Variants in APBA2 observed in about 807,000 individuals in gnomAD.
The protein encoded by APBA2 is amyloid-beta A4 precursor protein-binding family A member 2.
APBA2 carries 30 observed loss-of-function variants against 75.0 expected under a neutral mutation model. The ratio of observed to expected loss-of-function variants is 0.40; its 90% CI spans 0.30 to 0.54. The LOEUF (loss-of-function observed/expected upper bound fraction) is 0.54, where lower values mean the gene tolerates loss of function less well. Ranked by LOEUF, APBA2 falls within the 20% of genes least tolerant of loss-of-function variation. The probability of loss-of-function intolerance (pLI) is 0.49; values close to 1 mark genes in which losing one functional copy is unlikely to be tolerated. For missense variants in APBA2, 801 were observed against 1,016.1 expected (o/e 0.79, Z 2.88); for synonymous variants, 444 against 409.6 (o/e 1.08, Z -1.01).
At chr15:28,950,054 G>A (rs1416214279) in intron 2 of APBA2, among the ~76,000 whole-genome samples, 1 of 152,062 alleles carries the variant, frequency 6.6e-6, no homozygotes, top group Admixed American at 6.5e-5. Flanking sequence ...CGTCTCCTTA[G>A]CCTCCTCTGG....
At chr15:28,919,393 G>T (rs1398787344) in intron 1 of APBA2, 1 of 152,368 alleles carries the variant, frequency 6.6e-6, no homozygotes, top group East Asian at 1.9e-4. Flanking sequence ...CTGGTTCCTG[G>T]GTGCCGCATC....
chr15:29,108,014 C>T (rs1011563484), intron 12 of APBA2, among the ~76,000 whole-genome samples: 1 of 152,164 alleles, frequency 6.6e-6, no homozygotes, highest in Non-Finnish European at 1.5e-5. Context: ...TAATCTTCCC[C>T]AGGGCAGAGG....
chr15:29,023,251 C>T lies in APBA2; in HGVS notation c.-41+27445C>T, dbSNP rs2040040463. Among the ~76,000 whole-genome samples, 3 of 152,160 alleles carry T rather than the reference C, an allele frequency of 2.0e-5. 1 individual carries two copies. The highest frequency in any genetic ancestry group is 4.1e-4 in the South Asian group (2 of 4,820). On this transcript the variant is annotated intron_variant, in intron 3 of 14. Coordinates refer to ENST00000683413, the MANE Select transcript of APBA2 (RefSeq NM_001353788.2). ...GACTGAAAGGTGACAGTGATAGCAG[C>T]CTTCCTAATCTTGTCCCTAAATTTA... is the stretch of plus-strand genomic sequence containing the variant.
intron 5 of APBA2, 28 bp downstream of exon 5, chr15:29,075,029 G>C: frequency 6.6e-7 from 1 of 1,524,188 alleles, no homozygotes; most frequent in South Asian, 1.1e-5. Flanking sequence ...TGAGAGTTCT[G>C]GGCTGGAACA....
intron 5 of APBA2, 91 bp from the exon 6 acceptor site, chr15:29,075,964 T>C (rs2042830159): frequency 5.1e-6 from 6 of 1,178,134 alleles, no homozygotes; most frequent in Non-Finnish European, 7.6e-6. Context: ...TTTCTCATTA[T>C]GGCTCATATC....
chr15:29,053,836 TC>T lies in APBA2; in HGVS notation c.-40-5del. 6.5e-7 allele frequency: 1 copy of T among 1,540,390 alleles called. No individual in the cohort carries two copies. The highest frequency in any genetic ancestry group is 1.2e-5 in the South Asian group (1 of 84,188). ...TTGACTCTGTCCTTCCCAATGTTCC[TC>T]CCCACAGTGGCTGCCTCCGGGTGAT... On this transcript the variant is annotated splice_region_variant and splice_polypyrimidine_tract_variant and intron_variant, in intron 3 of 14. Coordinates refer to ENST00000683413, the MANE Select transcript of APBA2 (RefSeq NM_001353788.2).
chr15:28,946,092 T>C (rs1015798573), intron 2 of APBA2, among the ~76,000 whole-genome samples: 1 of 152,208 alleles, frequency 6.6e-6, no homozygotes, highest in African/African-American at 2.4e-5. Flanking sequence ...AAAATCTTAA[T>C]TTAGATCTTG....
intron 3 of APBA2, among the ~76,000 whole-genome samples, chr15:29,031,164 A>G (rs2152844486): frequency 6.6e-6 from 1 of 152,272 alleles, no homozygotes; most frequent in East Asian, 1.9e-4. Context: ...TGTCATCAGA[A>G]GAGACTAAGC....
chr15:28,975,078 T>TA (rs965474899), intron 2 of APBA2, among the ~76,000 whole-genome samples: 1 of 152,026 alleles, frequency 6.6e-6, no homozygotes, highest in African/African-American at 2.4e-5. Flanking sequence ...AGAGCATATT[T>TA]AAAAAAATCA....
At chr15:28,915,236 C>G (rs2033631321) in intron 1 of APBA2, among the ~76,000 whole-genome samples, 28 of 152,190 alleles carry the variant, frequency 1.8e-4, no homozygotes, top group South Asian at 4.1e-4. Flanking sequence ...CACACATACC[C>G]CATATATACC....
At chr15:28,974,882 C>CA (rs2037253345) in intron 2 of APBA2, among the ~76,000 whole-genome samples, 1 of 151,454 alleles carries the variant, frequency 6.6e-6, no homozygotes, top group Non-Finnish European at 1.5e-5. Flanking sequence ...AGTAGAATGA[C>CA]AAAAAATAAG....
chr15:29,113,528 A>G (rs78413925), intron 13 of APBA2, among the ~76,000 whole-genome samples: 3,445 of 152,136 alleles, frequency 0.023, 111 homozygotes, highest in African/African-American at 0.079. Context: ...CCAGGATGGT[A>G]ACCAGGCTGT....
intron 6 of APBA2, among the ~76,000 whole-genome samples, chr15:29,080,818 A>G (rs958032368): frequency 6.6e-6 from 1 of 152,360 alleles, no homozygotes; most frequent in East Asian, 1.9e-4. Context: ...GGGGCCTAAC[A>G]GTGGCAGCTT....
intron 2 of APBA2, chr15:28,977,063 TTTC>T (rs2037375945): frequency 1.3e-5 from 2 of 152,238 alleles, no homozygotes; most frequent in Admixed American, 6.5e-5. Flanking sequence ...CACTACCATT[TTTC>T]TTCTTTCTTG....
intron 2 of APBA2, among the ~76,000 whole-genome samples, chr15:28,941,009 A>G (rs1413236393): frequency 2.0e-5 from 3 of 152,260 alleles, no homozygotes; most frequent in Non-Finnish European, 2.9e-5. Flanking sequence ...GTTGAAATGT[A>G]TGCAGTATGT....
chr15:28,906,204 T>A (rs1323012031), intron 1 of APBA2, among the ~76,000 whole-genome samples: 1 of 152,180 alleles, frequency 6.6e-6, no homozygotes, highest in African/African-American at 2.4e-5. Context: ...TAAAAAAAAT[T>A]TACTTTAAGT....
In APBA2 at chr15:29,015,950, A is replaced by T. The variant is rs1484224420; in HGVS notation, c.-41+20144A>T. 2.0e-5 allele frequency among the ~76,000 whole-genome samples: 3 copies of T among 152,212 alleles called. No individual in the cohort carries two copies. In the East Asian group the frequency reaches 5.8e-4, roughly 29 times the overall value. The stretch of plus-strand genomic sequence containing the variant: ...AGGAACTGTGCGTGTATGTGCAGGA[A>T]CTGGGTTAACATATCTACTTATGGT... On this transcript the variant is annotated intron_variant, in intron 3 of 14. Coordinates refer to ENST00000683413, the MANE Select transcript of APBA2 (RefSeq NM_001353788.2).
At chr15:29,006,240 T>C (rs2039108608) in intron 3 of APBA2, among the ~76,000 whole-genome samples, 1 of 152,184 alleles carries the variant, frequency 6.6e-6, no homozygotes, top group African/African-American at 2.4e-5. Flanking sequence ...ATACATGAAT[T>C]CAGTAAAGTT....
chr15:28,901,366 G>A (rs147993513), intron 1 of APBA2, among the ~76,000 whole-genome samples: 11 of 146,110 alleles, frequency 7.5e-5, no homozygotes, highest in Non-Finnish European at 1.4e-4. Context: ...GGGAGCCAGC[G>A]TGGCACGGCA....
Sources: allele counts gnomAD v4.1 joint callset (sites outside exome capture counted in the v4.1 genomes callset), GRCh38; gene constraint gnomAD v4.1.1; transcripts MANE v1.5; gene names NCBI Gene and HGNC (gene_info 2026-07-23, HGNC 2026-07-21).